The following LRFN2 variants were observed in gnomAD, a reference collection of about 807,000 sequenced individuals.
The protein encoded by LRFN2 is leucine-rich repeat and fibronectin type-III domain-containing protein 2.
In LRFN2, 18 loss-of-function variants were observed where a neutral mutation model predicts 37.3. The ratio of observed to expected loss-of-function variants is 0.48; its 90% CI spans 0.33 to 0.72. The LOEUF (loss-of-function observed/expected upper bound fraction) is 0.72. Among genes scored for constraint, LRFN2 ranks in the 30% least tolerant of loss-of-function variants. The pLI, the probability that LRFN2 is intolerant of heterozygous loss-of-function variation, is 0.02. For missense variants in LRFN2, 1,006 were observed against 1,060.7 expected, an observed-to-expected ratio of 0.95 and a Z score of 0.72; for synonymous variants, 556 against 466.6, an observed-to-expected ratio of 1.19 and a Z score of -2.47.
intron 2 of LRFN2, among the ~76,000 whole-genome samples, chr6:40,423,539 A>G (rs1453581108): frequency 1.3e-5 from 2 of 152,224 alleles, no homozygotes; most frequent in African/African-American, 4.8e-5. Context: ...ATAAAGATGG[A>G]GAGCAATAAA....
chr6:40,443,579 G>C (rs1283944020), intron 1 of LRFN2, among the ~76,000 whole-genome samples: 2 of 152,130 alleles, frequency 1.3e-5, no homozygotes, highest in Non-Finnish European at 2.9e-5. Context: ...CTCCCACTTT[G>C]CAAAAGGCAA....
rs550432280 is a variant in LRFN2 at position 40,584,217 on chromosome 6, C to T, written c.-19+2724G>A. Among the ~76,000 whole-genome samples the T allele has an allele frequency of 2.6e-5, 4 of 152,338 alleles. No individual in the cohort carries two copies. The East Asian group carries it at 7.7e-4, about 29-fold the overall frequency. On this transcript the variant is annotated intron_variant, in intron 1 of 2. Coordinates refer to ENST00000338305, the MANE Select transcript of LRFN2 (RefSeq NM_020737.3). Reference sequence around the variant, plus strand: ...AGAACTCTCTCTCCCTTCCAACCCTCCCTGTTTCCACTGAAGACTCTCCCA... The same window carrying T: ...AGAACTCTCTCTCCCTTCCAACCCTTCCTGTTTCCACTGAAGACTCTCCCA...
At chr6:40,424,579 C>T (rs1000002099) in intron 2 of LRFN2, among the ~76,000 whole-genome samples, 1 of 128,996 alleles carries the variant, frequency 7.8e-6, no homozygotes, top group Non-Finnish European at 1.8e-5. Flanking sequence ...GTTTCAACAG[C>T]GTGAAAAAAA....
At chr6:40,563,396 T>C (rs2113789880) in intron 1 of LRFN2, among the ~76,000 whole-genome samples, 1 of 152,158 alleles carries the variant, frequency 6.6e-6, no homozygotes, top group African/African-American at 2.4e-5. Flanking sequence ...ATTCACTTTC[T>C]CATCAAAGGG....
At chr6:40,484,569 C>T (rs776708315) in intron 1 of LRFN2, among the ~76,000 whole-genome samples, 17 of 152,152 alleles carry the variant, frequency 1.1e-4, no homozygotes, top group Non-Finnish European at 1.6e-4. Context: ...ACTCTGATCC[C>T]GCTAAGAGTA....
At chr6:40,585,026 G>T (rs1433286211) in intron 1 of LRFN2, among the ~76,000 whole-genome samples, 1 of 152,036 alleles carries the variant, frequency 6.6e-6, no homozygotes, top group Non-Finnish European at 1.5e-5. Context: ...AGACTCCCCA[G>T]CTTCTCACGT....
At chr6:40,569,013 G>A (rs184027645) in intron 1 of LRFN2, among the ~76,000 whole-genome samples, 2 of 152,318 alleles carry the variant, frequency 1.3e-5, no homozygotes. Context: ...CTGCCTCCAA[G>A]CGAGGATAAA....
At chr6:40,482,538 C>G (rs890701451) in intron 1 of LRFN2, among the ~76,000 whole-genome samples, 3 of 152,218 alleles carry the variant, frequency 2.0e-5, no homozygotes. Flanking sequence ...GCAAGGGGTA[C>G]AAAGACAGCA....
intron 1 of LRFN2, among the ~76,000 whole-genome samples, chr6:40,519,209 T>A (rs1765975761): frequency 1.3e-5 from 2 of 152,294 alleles, no homozygotes; most frequent in South Asian, 4.1e-4. Flanking sequence ...ATCAATACAA[T>A]ATGTGCTGAG....
Position 40,433,055 on chromosome 6 carries a change from G to A in LRFN2, c.59C>T (p.Ala20Val), listed in dbSNP as rs1416327539. 1.3e-6 allele frequency: 2 copies of A among 1,560,132 alleles called. No homozygotes were observed. Among genetic ancestry groups the A allele is most frequent in the Non-Finnish European group, 8.7e-7 (1 of 1,154,848 alleles). The change falls in exon 2 of 3, where the codon GCC becomes GTC. Residue 20 changes from alanine to valine, a missense_variant. Physicochemically the swap from Ala to Val is moderately conservative, Grantham distance 64 (BLOSUM62 0). Coordinates refer to ENST00000338305, the MANE Select transcript of LRFN2 (RefSeq NM_020737.3). ...AFGMAFAVVDACPKYCVCQNL... is the reference protein window; with the variant it reads ...AFGMAFAVVDVCPKYCVCQNL... ...CTGGCAGACACAGTACTTGGGGCAG[G>A]CGTCGACCACGGCAAACGCCATGCC...
chr6:40,458,396 T>C (rs1002222214), intron 1 of LRFN2, among the ~76,000 whole-genome samples: 3 of 152,210 alleles, frequency 2.0e-5, no homozygotes, highest in African/African-American at 7.2e-5. Flanking sequence ...AAAAAAGTAC[T>C]ATTTAGGAGC....
intron 2 of LRFN2, among the ~76,000 whole-genome samples, chr6:40,408,244 T>TA (rs1194985560): frequency 2.0e-5 from 3 of 152,158 alleles, no homozygotes; most frequent in Admixed American, 2.0e-4. Context: ...TATTTTACAA[T>TA]AAAAAATGGC....
chr6:40,563,152 C>T (rs984693475), intron 1 of LRFN2, among the ~76,000 whole-genome samples: 16 of 152,074 alleles, frequency 1.1e-4, no homozygotes, highest in Non-Finnish European at 1.8e-4. Context: ...GAGACCCCTC[C>T]GTGCACACAC....
intron 1 of LRFN2, chr6:40,501,516 C>A (rs968494450): frequency 6.6e-5 from 10 of 151,002 alleles, no homozygotes; most frequent in African/African-American, 2.4e-4. Context: ...TTAGCAGAGA[C>A]AGGGTTTCAT....
In LRFN2 at chr6:40,556,658, GTCTCTCTC is replaced by G. The variant is rs60167160; in HGVS notation, c.-19+30275_-19+30282del. On this transcript the variant is annotated intron_variant, in intron 1 of 2. Transcript: ENST00000338305. ...AGTGTGGAGAGTGAATTAGAACCAGGTCTCTCTCTCTCTCTCTCTCTCTCTCTCTCTTT... is the reference window on the plus strand; with the variant it reads ...AGTGTGGAGAGTGAATTAGAACCAGGTCTCTCTCTCTCTCTCTCTCTCTTT... Among the ~76,000 whole-genome samples, 818 of 139,254 alleles carry G rather than the reference GTCTCTCTC, an allele frequency of 5.9e-3. 4 individuals carry two copies. The highest frequency in any genetic ancestry group is 0.014 in the African/African-American group (518 of 36,738). 91.4% of individuals were successfully genotyped at this position (139,254 alleles called of 152,430 possible).
intron 1 of LRFN2, among the ~76,000 whole-genome samples, chr6:40,444,102 G>A (rs1393929346): frequency 2.0e-5 from 3 of 152,194 alleles, no homozygotes; most frequent in Non-Finnish European, 4.4e-5. Flanking sequence ...GCCCGCACAG[G>A]TCAGCCTACC....
intron 2 of LRFN2, among the ~76,000 whole-genome samples, chr6:40,407,634 G>A (rs144509246): frequency 3.0e-4 from 46 of 152,326 alleles, no homozygotes; most frequent in African/African-American, 1.1e-3. Context: ...TGCAGAAGGT[G>A]TCAGATCAAT....
chr6:40,402,378 G>A (rs1762757644), intron 2 of LRFN2, among the ~76,000 whole-genome samples: 2 of 152,192 alleles, frequency 1.3e-5, no homozygotes, highest in Admixed American at 1.3e-4. Flanking sequence ...GTATTACATT[G>A]AATTGAATTG....
intron 1 of LRFN2, among the ~76,000 whole-genome samples, chr6:40,544,923 A>G (rs1408925930): frequency 6.6e-6 from 1 of 152,208 alleles, no homozygotes; most frequent in East Asian, 1.9e-4. Flanking sequence ...TGATTAGGAT[A>G]ATGGCAACTG....
Sources: allele counts gnomAD v4.1 joint callset (sites outside exome capture counted in the v4.1 genomes callset), GRCh38; gene constraint gnomAD v4.1.1; transcripts MANE v1.5; gene names NCBI Gene and HGNC (gene_info 2026-07-23, HGNC 2026-07-21).